The following RAB31 variants were observed in gnomAD, a reference collection of about 807,000 sequenced individuals.
RAB31 encodes RAB31, member RAS oncogene family.
A neutral mutation model predicts 25.6 loss-of-function variants in RAB31; 21 were observed. That is an observed-to-expected ratio of 0.82 (90% CI 0.58 to 1.18). RAB31 has a LOEUF of 1.18. Among genes scored for constraint, RAB31 ranks in the 50% most tolerant of loss-of-function variants. RAB31 has a pLI of 0.00. For synonymous variants in RAB31, 87 were observed against 84.0 expected (o/e 1.04, Z -0.20); for missense variants, 196 against 250.1 (o/e 0.78, Z 1.46).
At chr18:9,805,219 G>A (rs555343387) in intron 3 of RAB31, among the ~76,000 whole-genome samples, 15 of 150,894 alleles carry the variant, frequency 9.9e-5, no homozygotes, top group African/African-American at 3.6e-4. Context: ...TTGCACCACT[G>A]CACTCCAGCC....
At chr18:9,773,388 T>G (rs1300608126) in intron 1 of RAB31, among the ~76,000 whole-genome samples, 1 of 152,224 alleles carries the variant, frequency 6.6e-6, no homozygotes, top group Admixed American at 6.5e-5. Flanking sequence ...AATCAGCTAT[T>G]TTTTCATTCT....
At chr18:9,818,943 T>C (rs1568187445) in intron 5 of RAB31, among the ~76,000 whole-genome samples, 1 of 152,246 alleles carries the variant, frequency 6.6e-6, no homozygotes, top group Non-Finnish European at 1.5e-5. Context: ...TGGAGAAATG[T>C]CTCTTCAAAT....
At chr18:9,776,970 G>A (rs2068375287) in intron 2 of RAB31, among the ~76,000 whole-genome samples, 1 of 152,140 alleles carries the variant, frequency 6.6e-6, no homozygotes, top group South Asian at 2.1e-4. Flanking sequence ...AATGCTCATT[G>A]GGATATTTCA....
chr18:9,770,368 G>C (rs959552116), intron 1 of RAB31, among the ~76,000 whole-genome samples: 1 of 152,164 alleles, frequency 6.6e-6, no homozygotes, highest in African/African-American at 2.4e-5. Flanking sequence ...TTAGTGCTTG[G>C]TTTTCACAGA....
intron 1 of RAB31, among the ~76,000 whole-genome samples, chr18:9,774,028 G>A (rs2068359341): frequency 6.6e-6 from 1 of 150,654 alleles, no homozygotes; most frequent in Non-Finnish European, 1.5e-5. Context: ...CTGCTGTTTT[G>A]TGTGTGTGTG....
intron 1 of RAB31, among the ~76,000 whole-genome samples, chr18:9,719,701 T>G (rs1022568021): frequency 6.6e-6 from 1 of 152,178 alleles, no homozygotes; most frequent in African/African-American, 2.4e-5. Flanking sequence ...GCTTTTTTTC[T>G]GCCCCTGCAG....
At chr18:9,721,559 T>C (rs2145458977) in intron 1 of RAB31, among the ~76,000 whole-genome samples, 1 of 150,704 alleles carries the variant, frequency 6.6e-6, no homozygotes, top group Admixed American at 6.6e-5. Flanking sequence ...GAGGTTGCAG[T>C]GAGCTGAGAT....
intron 5 of RAB31, among the ~76,000 whole-genome samples, chr18:9,822,720 C>T (rs1163802864): frequency 1.3e-5 from 2 of 152,170 alleles, no homozygotes; most frequent in Non-Finnish European, 2.9e-5. Flanking sequence ...ATATCATCAT[C>T]AAACCTATCA....
At chr18:9,852,891 C>T (rs965979305) in intron 6 of RAB31, among the ~76,000 whole-genome samples, 3 of 152,160 alleles carry the variant, frequency 2.0e-5, no homozygotes, top group African/African-American at 7.2e-5. Context: ...CTTGTCAACG[C>T]TTGGTACCGT....
chr18:9,777,780 C>T (rs9945088), intron 2 of RAB31, among the ~76,000 whole-genome samples: 75,826 of 137,080 alleles, frequency 0.55, 20,886 homozygotes, highest in African/African-American at 0.64. Flanking sequence ...TTTGAGACGG[C>T]GTCTTGCTCT....
At chr18:9,832,553 C>T (rs1032743036) in intron 5 of RAB31, among the ~76,000 whole-genome samples, 23 of 152,174 alleles carry the variant, frequency 1.5e-4, no homozygotes, top group African/African-American at 5.1e-4. Context: ...AAGGAAAGGC[C>T]AGAGCAGGCA....
intron 1 of RAB31, among the ~76,000 whole-genome samples, chr18:9,752,530 C>T (rs770464064): frequency 6.6e-6 from 1 of 152,130 alleles, no homozygotes; most frequent in Non-Finnish European, 1.5e-5. Context: ...CGGCCCAGCT[C>T]GGCCCTTTAA....
chr18:9,812,710 T>C (rs1163421680), intron 3 of RAB31, among the ~76,000 whole-genome samples: 1 of 91,270 alleles, frequency 1.1e-5, no homozygotes, highest in Non-Finnish European at 2.4e-5. Context: ...TTTTTTTTTT[T>C]TTTTTGAGAT....
intron 2 of RAB31, among the ~76,000 whole-genome samples, chr18:9,781,162 T>G (rs1465029774): frequency 1.3e-5 from 2 of 151,966 alleles, no homozygotes; most frequent in Non-Finnish European, 2.9e-5. Flanking sequence ...TATTTTTTTT[T>G]GTACAATTTT....
At chr18:9,790,733 A>G (rs1225157512) in intron 2 of RAB31, among the ~76,000 whole-genome samples, 1 of 152,220 alleles carries the variant, frequency 6.6e-6, no homozygotes, top group East Asian at 1.9e-4. Context: ...TTCACATTCT[A>G]CATTTGCCTC....
At chr18:9,811,431 A>G (rs1164208680) in intron 3 of RAB31, among the ~76,000 whole-genome samples, 1 of 152,204 alleles carries the variant, frequency 6.6e-6, no homozygotes, top group Non-Finnish European at 1.5e-5. Flanking sequence ...TCAGTTTGGC[A>G]AGTATTGATC....
intron 3 of RAB31, among the ~76,000 whole-genome samples, chr18:9,803,551 A>C (rs913558921): frequency 1.3e-5 from 2 of 151,858 alleles, no homozygotes; most frequent in African/African-American, 4.9e-5. Context: ...GAAAGAGAAA[A>C]CTGAGTGATG....
chr18:9,842,472 G>A (rs906070229), intron 5 of RAB31, among the ~76,000 whole-genome samples: 11 of 152,154 alleles, frequency 7.2e-5, no homozygotes, highest in African/African-American at 2.7e-4. Flanking sequence ...GGGAACCAGG[G>A]CAAAGACCGA....
intron 3 of RAB31, among the ~76,000 whole-genome samples, chr18:9,799,439 A>C (rs1381397437): frequency 6.6e-6 from 1 of 152,206 alleles, no homozygotes; most frequent in East Asian, 1.9e-4. Context: ...TCTCCTGAGC[A>C]CAGGAATCTC....
Sources: allele counts gnomAD v4.1 joint callset (sites outside exome capture counted in the v4.1 genomes callset), GRCh38; gene constraint gnomAD v4.1.1; transcripts MANE v1.5; gene names NCBI Gene and HGNC (gene_info 2026-07-23, HGNC 2026-07-21).